NRXN1: variants seen among roughly 807,000 people sequenced by gnomAD.
NRXN1 encodes the protein neurexin 1.
NRXN1 carries 39 observed loss-of-function variants against 150.9 expected under a neutral mutation model. The ratio of observed to expected loss-of-function variants is 0.26; its 90% CI spans 0.20 to 0.34. The LOEUF is 0.34. NRXN1 is among the 10% of genes least tolerant of loss of function. The pLI is 1.00. For missense variants in NRXN1, 1,815 were observed against 1,949.9 expected (o/e 0.93, Z 1.30); for synonymous variants, 924 against 757.0 (o/e 1.22, Z -3.62).
chr2:50,718,144 G>C (rs541782896), intron 5 of NRXN1, among the ~76,000 whole-genome samples: 1 of 152,212 alleles, frequency 6.6e-6, no homozygotes, highest in African/African-American at 2.4e-5. Flanking sequence ...GCACAGCATA[G>C]GTTAAATGCA....
At chr2:50,811,190 C>T (rs531252522) in intron 5 of NRXN1, among the ~76,000 whole-genome samples, 2 of 152,106 alleles carry the variant, frequency 1.3e-5, no homozygotes, top group Non-Finnish European at 2.9e-5. Context: ...CTCTCAATGA[C>T]CGGCTAATCC....
rs192937253 is a variant in NRXN1, at chr2:50,978,464, T to C, written c.772+49038A>G. ...TTGTTAATGGCTGCACAATATATTTTCAATTACCATACCATAATTCAGTTA... is the reference window on the plus strand; with the variant it reads ...TTGTTAATGGCTGCACAATATATTTCCAATTACCATACCATAATTCAGTTA... On this transcript the variant is annotated intron_variant, in intron 2 of 22. Transcript: ENST00000401669. Among the ~76,000 whole-genome samples the C allele has an allele frequency of 5.2e-4, 78 of 151,426 alleles. 1 individual carries two copies. The highest frequency in any genetic ancestry group is 1.9e-3 in the African/African-American group (77 of 41,430).
intron 21 of NRXN1, chr2:49,974,309 C>T (rs1350781304): frequency 8.1e-6 from 4 of 491,908 alleles, no homozygotes; most frequent in African/African-American, 2.0e-5. Context: ...GTACACAGCC[C>T]AGCCCGGCAC....
Position 50,361,453 on chromosome 2 carries a change from T to A in NRXN1, c.3364+103989A>T, listed in dbSNP as rs144090491. On this transcript the variant is annotated intron_variant, in intron 17 of 22. Transcript: ENST00000401669. ...GATATCACCACTGATCCCACAGATA[T>A]ACAAACTACCATCAAAGAACACTAT... Among the ~76,000 whole-genome samples the A allele has an allele frequency of 9.3e-3, 1,417 of 152,230 alleles. 17 individuals carry two copies. The highest frequency in any genetic ancestry group is 0.032 in the African/African-American group (1,345 of 41,534).
intron 5 of NRXN1, chr2:50,917,425 C>T (rs1393997829): frequency 6.6e-6 from 1 of 151,662 alleles, no homozygotes; most frequent in Non-Finnish European, 1.5e-5. Flanking sequence ...ACTTCACAGA[C>T]AAATTCGCTA....
At chr2:50,640,020 A>T (rs1484139126) in intron 5 of NRXN1, among the ~76,000 whole-genome samples, 2 of 152,220 alleles carry the variant, frequency 1.3e-5, no homozygotes, top group Admixed American at 1.3e-4. Flanking sequence ...GAAGTTAATT[A>T]TTAGCAAATG....
chr2:50,461,128 A>G (rs561038446), intron 17 of NRXN1, among the ~76,000 whole-genome samples: 4 of 152,090 alleles, frequency 2.6e-5, no homozygotes, highest in East Asian at 1.9e-4. Context: ...AAAGCTGAAG[A>G]TATTTTTAAA....
intron 12 of NRXN1, among the ~76,000 whole-genome samples, chr2:50,523,368 G>C (rs1414457322): frequency 1.3e-5 from 2 of 152,218 alleles, no homozygotes; most frequent in Non-Finnish European, 2.9e-5. Flanking sequence ...CACAAATCAA[G>C]TGACTGCTGT....
chr2:50,116,281 C>T (rs564810284), intron 18 of NRXN1, among the ~76,000 whole-genome samples: 1 of 151,992 alleles, frequency 6.6e-6, no homozygotes, highest in East Asian at 1.9e-4. Flanking sequence ...GCTGGGAAAA[C>T]TCACTAAAGT....
At chr2:50,056,314 C>T (rs1693610655) in intron 19 of NRXN1, among the ~76,000 whole-genome samples, 2 of 151,998 alleles carry the variant, frequency 1.3e-5, no homozygotes, top group African/African-American at 4.8e-5. Flanking sequence ...CTAATAAGCC[C>T]AGCATAATAC....
chr2:50,894,872 T>C (rs1050976190), intron 5 of NRXN1, among the ~76,000 whole-genome samples: 1 of 152,180 alleles, frequency 6.6e-6, no homozygotes, highest in Admixed American at 6.5e-5. Flanking sequence ...CGATGTAATC[T>C]AACATTTGTT....
At chr2:50,236,737 A>C (rs1345954766) in intron 18 of NRXN1, 52 bp downstream of exon 18, 21 of 1,564,098 alleles carry the variant, frequency 1.3e-5, no homozygotes, top group Middle Eastern at 3.4e-4. Flanking sequence ...AATTCTTTAC[A>C]AAAAGTTAAC....
chr2:50,767,778 G>C (rs562679736), intron 5 of NRXN1, among the ~76,000 whole-genome samples: 174 of 152,030 alleles, frequency 1.1e-3, no homozygotes, highest in African/African-American at 3.5e-3. Context: ...TTTTAATCCT[G>C]GGTTATATAG....
At chr2:50,561,296 A>G (rs573934515) in intron 8 of NRXN1, among the ~76,000 whole-genome samples, 1 of 152,344 alleles carries the variant, frequency 6.6e-6, no homozygotes, top group African/African-American at 2.4e-5. Flanking sequence ...GAGTTTCATT[A>G]AATAGTTATG....
intron 2 of NRXN1, among the ~76,000 whole-genome samples, chr2:50,947,675 A>T (rs1690615532): frequency 6.6e-6 from 1 of 152,022 alleles, no homozygotes; most frequent in Admixed American, 6.6e-5. Context: ...ATTCAATATC[A>T]TAATATTCCC....
intron 5 of NRXN1, among the ~76,000 whole-genome samples, chr2:50,878,152 G>A (rs1253301103): frequency 4.6e-5 from 7 of 151,826 alleles, no homozygotes; most frequent in African/African-American, 1.4e-4. Context: ...CTGAAAACGA[G>A]GAGAATTATA....
rs567515081 is a variant in NRXN1, at chr2:50,353,133, G to C, written c.3364+112309C>G. ...TGGAAACGTGACTAGATTTATTCAA[G>C]TCAAGATTGGTTGTGTTTAGCTCTG... On this transcript the variant is annotated intron_variant, in intron 17 of 22. Transcript: ENST00000401669. 5.3e-5 allele frequency among the ~76,000 whole-genome samples: 8 copies of C among 152,232 alleles called. No homozygotes were observed. In the East Asian group the frequency reaches 1.4e-3, roughly 26 times the overall value.
At chr2:50,487,868 A>G (rs13420978) in intron 15 of NRXN1, among the ~76,000 whole-genome samples, 5,403 of 152,254 alleles carry the variant, frequency 0.035, 323 homozygotes, top group African/African-American at 0.12. Flanking sequence ...CACAGAAGGT[A>G]AAAATCTAAG....
rs189978345 is a variant in NRXN1 at position 50,833,746 on chromosome 2, G to A, written c.832+88123C>T. The stretch of plus-strand genomic sequence containing the variant: ...TAGTGGTGGTTATACAAAACTGCAC[G>A]TGTTAAAATTCACAGAACTTCATAT... On this transcript the variant is annotated intron_variant, in intron 5 of 22. Transcript: ENST00000401669. 1.1e-4 allele frequency among the ~76,000 whole-genome samples: 16 copies of A among 152,198 alleles called. No homozygotes were observed. The East Asian group carries it at 1.5e-3, about 15-fold the overall frequency.
Sources: gnomAD v4.1 joint callset for allele counts (sites outside exome capture counted in the v4.1 genomes callset) on GRCh38, gnomAD v4.1.1 for gene constraint, MANE v1.5 for transcripts, NCBI Gene and HGNC (gene_info 2026-07-23, HGNC 2026-07-21) for gene names.